LYRM4: variants seen among roughly 807,000 people sequenced by gnomAD.
LYRM4 encodes LYR motif-containing protein 4.
A neutral mutation model predicts 11.7 loss-of-function variants in LYRM4; 9 were observed. The ratio of observed to expected loss-of-function variants is 0.77; its 90% CI spans 0.46 to 1.34. The LOEUF (loss-of-function observed/expected upper bound fraction) is 1.34. Ranked by LOEUF, LYRM4 falls within the 40% of genes most tolerant of loss-of-function variation. The pLI is 0.00. For missense variants in LYRM4, 133 were observed against 112.5 expected, an observed-to-expected ratio of 1.18 and a Z score of -0.82; for synonymous variants, 42 against 40.4, an observed-to-expected ratio of 1.04 and a Z score of -0.15.
chr6:5,071,616 G>A, the LYRM4 span, among the ~76,000 whole-genome samples: 3 of 151,980 alleles, frequency 2.0e-5, no homozygotes, highest in South Asian at 4.2e-4. Context: ...ATGTGTGTGT[G>A]TATGTATATA....
the LYRM4 span, among the ~76,000 whole-genome samples, chr6:5,048,534 A>G: frequency 2.0e-5 from 3 of 151,808 alleles, no homozygotes; most frequent in Admixed American, 6.6e-5. Context: ...GTCTTGAACT[A>G]TGTTGCTCAG....
At chr6:5,072,330 G>C in the LYRM4 span, among the ~76,000 whole-genome samples, 1 of 152,004 alleles carries the variant, frequency 6.6e-6, no homozygotes, top group Non-Finnish European at 1.5e-5. Context: ...ATATTCCTTT[G>C]GATATATATC....
intron 1 of LYRM4, among the ~76,000 whole-genome samples, chr6:5,221,949 G>A (rs1343361485): frequency 1.3e-5 from 2 of 152,060 alleles, no homozygotes; most frequent in Non-Finnish European, 2.9e-5. Flanking sequence ...CTTCTCTCTC[G>A]AAGTTATTTA....
intron 2 of LYRM4, among the ~76,000 whole-genome samples, 159 bp downstream of exon 2, chr6:5,216,459 G>A (rs1762276498): frequency 6.6e-6 from 1 of 152,186 alleles, no homozygotes. Context: ...CTGAAAATAT[G>A]AGAGTTCACC....
the LYRM4 span, among the ~76,000 whole-genome samples, chr6:5,071,596 G>A: frequency 6.9e-6 from 1 of 145,288 alleles, no homozygotes; most frequent in South Asian, 2.1e-4. Flanking sequence ...ATGTGTATGT[G>A]TGTGTATGTA....
the LYRM4 span, chr6:5,066,886 G>A: frequency 2.8e-6 from 3 of 1,082,796 alleles, no homozygotes; most frequent in South Asian, 3.1e-5. Flanking sequence ...AAGTGCTTTC[G>A]CATCGCCGCT....
At chr6:5,115,269 G>T (rs1763066576) in intron 2 of LYRM4, among the ~76,000 whole-genome samples, 1 of 152,164 alleles carries the variant, frequency 6.6e-6, no homozygotes, top group Admixed American at 6.5e-5. Flanking sequence ...GTTACTGATG[G>T]ATCTTGCAAA....
chr6:5,160,179 C>T (rs948787567), intron 2 of LYRM4, among the ~76,000 whole-genome samples: 4 of 152,116 alleles, frequency 2.6e-5, no homozygotes. Context: ...TCCCTTCTTC[C>T]CAGTGGATGC....
At chr6:5,169,653 T>C (rs2773332) in intron 2 of LYRM4, among the ~76,000 whole-genome samples, 3,811 of 152,314 alleles carry the variant, frequency 0.025, 142 homozygotes, top group African/African-American at 0.077. Flanking sequence ...CCCCCTTTAT[T>C]TAAAACTTCT....
At chr6:5,114,089 A>T (rs1763012410) in intron 2 of LYRM4, among the ~76,000 whole-genome samples, 1 of 152,198 alleles carries the variant, frequency 6.6e-6, no homozygotes, top group African/African-American at 2.4e-5. Flanking sequence ...TGGAGCATCT[A>T]GGACAGTTCT....
At chr6:5,179,026 G>A (rs1232523562) in intron 2 of LYRM4, among the ~76,000 whole-genome samples, 1 of 107,700 alleles carries the variant, frequency 9.3e-6, no homozygotes, top group Non-Finnish European at 1.9e-5. Context: ...TCACTGAGAA[G>A]TAAATGTAAA....
the LYRM4 span, among the ~76,000 whole-genome samples, chr6:5,075,751 T>C: frequency 6.6e-6 from 1 of 152,252 alleles, no homozygotes; most frequent in African/African-American, 2.4e-5. Flanking sequence ...TGTTTTAAAT[T>C]GTGGCAAAAT....
In LYRM4 at chr6:5,186,488, G is replaced by A. The variant is rs961415074; in HGVS notation, c.207+30130C>T. ...ATAAATGATACTAGGACAGGAGAAA[G>A]TTATCATTTTGGAGAAGGTTAAACT... is the stretch of plus-strand genomic sequence containing the variant. On this transcript the variant is annotated intron_variant, in intron 2 of 2. Transcript: ENST00000330636. The A allele has an allele frequency of 6.8e-6, 6 of 884,110 alleles. No individual in the cohort carries two copies. In the South Asian group the frequency reaches 3.1e-4, roughly 46 times the overall value. The allele number at this position is 884,110 out of a possible 1,614,324, so 54.8% of individuals were successfully genotyped here.
At chr6:5,056,298 TA>T in the LYRM4 span, among the ~76,000 whole-genome samples, 4 of 152,228 alleles carry the variant, frequency 2.6e-5, no homozygotes, top group Non-Finnish European at 5.9e-5. Flanking sequence ...CTCGGATAGA[TA>T]AATAGTTGGA....
intron 2 of LYRM4, among the ~76,000 whole-genome samples, chr6:5,170,605 A>G (rs1008747571): frequency 2.0e-5 from 3 of 152,128 alleles, no homozygotes; most frequent in Non-Finnish European, 4.4e-5. Flanking sequence ...TGTTCAAGCG[A>G]TTCTTGTGCC....
intron 2 of LYRM4, among the ~76,000 whole-genome samples, chr6:5,168,705 A>G (rs879869214): frequency 3.3e-5 from 5 of 152,070 alleles, no homozygotes; most frequent in African/African-American, 4.8e-5. Flanking sequence ...TTTGTATTGG[A>G]TTGTATTTTC....
At chr6:5,142,575 A>T (rs184529280) in intron 2 of LYRM4, among the ~76,000 whole-genome samples, 2 of 152,334 alleles carry the variant, frequency 1.3e-5, no homozygotes, top group Admixed American at 1.3e-4. Context: ...AATAACTGAT[A>T]TACAAGGTCC....
At chr6:5,164,266 A>G (rs1470505417) in intron 2 of LYRM4, among the ~76,000 whole-genome samples, 1 of 152,206 alleles carries the variant, frequency 6.6e-6, no homozygotes, top group Non-Finnish European at 1.5e-5. Context: ...TAAGTATCTG[A>G]AAGTTCACAT....
intron 2 of LYRM4, among the ~76,000 whole-genome samples, chr6:5,163,640 AG>A (rs1758900919): frequency 1.6e-5 from 2 of 121,554 alleles, no homozygotes; most frequent in African/African-American, 6.3e-5. Flanking sequence ...TTTTTTTTTG[AG>A]ATAGAGTCTC....
Sources: allele counts gnomAD v4.1 joint callset (sites outside exome capture counted in the v4.1 genomes callset), GRCh38; gene constraint gnomAD v4.1.1; transcripts MANE v1.5; gene names NCBI Gene and HGNC (gene_info 2026-07-23, HGNC 2026-07-21).